Variants in SIPA1L3 observed in about 807,000 individuals in gnomAD.
SIPA1L3 encodes signal induced proliferation associated 1 like 3.
Under a neutral mutation model 150.1 loss-of-function variants are expected in SIPA1L3, and 59 were observed. That is an observed-to-expected ratio of 0.39 (90% CI 0.32 to 0.49). SIPA1L3 has a LOEUF of 0.49. Ranked by LOEUF, SIPA1L3 falls within the 20% of genes least tolerant of loss-of-function variation. The pLI is 0.86. For synonymous variants in SIPA1L3, 1,070 were observed against 1,077.6 expected (o/e 0.99, Z 0.14); for missense variants, 2,211 against 2,489.5 (o/e 0.89, Z 2.38).
intron 15 of SIPA1L3, among the ~76,000 whole-genome samples, chr19:38,181,845 C>T (rs1460716921): frequency 1.6e-5 from 1 of 62,952 alleles, no homozygotes; most frequent in Non-Finnish European, 3.0e-5. Context: ...GACTCTGTCT[C>T]AAAAAAAAAA....
At chr19:37,987,476 C>T (rs1031295274) in intron 1 of SIPA1L3, among the ~76,000 whole-genome samples, 3 of 152,174 alleles carry the variant, frequency 2.0e-5, no homozygotes, top group Non-Finnish European at 4.4e-5. Flanking sequence ...TCTTTGATGT[C>T]AGAATTGTCC....
intron 17 of SIPA1L3, 50 bp downstream of exon 17, chr19:38,192,360 C>A: frequency 6.6e-7 from 1 of 1,512,968 alleles, no homozygotes; most frequent in Admixed American, 2.1e-5. Flanking sequence ...CCAAGGGGAT[C>A]CCAGATCTGG....
At chr19:38,004,129 C>G (rs1967877997) in intron 1 of SIPA1L3, among the ~76,000 whole-genome samples, 1 of 152,210 alleles carries the variant, frequency 6.6e-6, no homozygotes, top group Non-Finnish European at 1.5e-5. Flanking sequence ...GCTAGACAGT[C>G]TTTAAATCAC....
chr19:37,989,792 A>C (rs528443341), intron 1 of SIPA1L3, among the ~76,000 whole-genome samples: 6 of 148,280 alleles, frequency 4.0e-5, no homozygotes, highest in African/African-American at 1.5e-4. Flanking sequence ...CAGCCTCCCC[A>C]GTAAGTAGCT....
chr19:38,030,883 A>G (rs1599928752), intron 2 of SIPA1L3, among the ~76,000 whole-genome samples: 2 of 152,132 alleles, frequency 1.3e-5, no homozygotes, highest in South Asian at 2.1e-4. Context: ...CCAAGAGACC[A>G]TAACGGTGTG....
At position 38,059,663 on chromosome 19, in the gene SIPA1L3, C is replaced by T. The variant is rs143457662; in HGVS notation, c.-310-21593C>T. ...CATACATACAGACAAGCATGTAAAA[C>T]GTGAATACACAGTTTACCGAAGAAT... is the stretch of plus-strand genomic sequence containing the variant. On this transcript the variant is annotated intron_variant, in intron 2 of 21. Coordinates refer to ENST00000222345, the MANE Select transcript of SIPA1L3 (RefSeq NM_015073.3). 3.1e-3 allele frequency among the ~76,000 whole-genome samples: 478 copies of T among 152,250 alleles called. 2 individuals are homozygous for T. Among genetic ancestry groups the T allele is most frequent in the African/African-American group, 0.011 (454 of 41,542 alleles).
intron 10 of SIPA1L3, among the ~76,000 whole-genome samples, chr19:38,140,557 GAGGACACTGGCGGCCTGGC>G (rs1225651016): frequency 6.6e-6 from 1 of 152,130 alleles, no homozygotes; most frequent in Non-Finnish European, 1.5e-5. Flanking sequence ...CAGGTCTGTC[GAGGACACTGGCGGCCTGGC>G]AGCCGTGTGG....
chr19:37,941,929 T>C (rs954929506), intron 1 of SIPA1L3, among the ~76,000 whole-genome samples: 1 of 152,236 alleles, frequency 6.6e-6, no homozygotes, highest in Non-Finnish European at 1.5e-5. Context: ...GTCTGGGTCA[T>C]AAATTCTTGA....
intron 2 of SIPA1L3, among the ~76,000 whole-genome samples, chr19:38,043,110 C>T (rs185606836): frequency 1.9e-3 from 283 of 152,230 alleles, no homozygotes; most frequent in Non-Finnish European, 3.2e-3. Flanking sequence ...GGGGCCGAGG[C>T]GGGCAGATCA....
chr19:37,948,994 G>A (rs1415439020), intron 1 of SIPA1L3, among the ~76,000 whole-genome samples: 1 of 152,170 alleles, frequency 6.6e-6, no homozygotes, highest in Non-Finnish European at 1.5e-5. Context: ...GGCAGGAGAT[G>A]GCATCAGAGA....
intron 1 of SIPA1L3, among the ~76,000 whole-genome samples, chr19:37,994,491 C>T (rs982514239): frequency 6.6e-6 from 1 of 152,108 alleles, no homozygotes; most frequent in African/African-American, 2.4e-5. Flanking sequence ...CCCCCTTTGC[C>T]TCTCTCCTCC....
At chr19:38,068,153 G>A (rs374968035) in intron 2 of SIPA1L3, among the ~76,000 whole-genome samples, 12 of 151,802 alleles carry the variant, frequency 7.9e-5, no homozygotes, top group African/African-American at 2.2e-4. Flanking sequence ...CTCCCGCGTA[G>A]CTGGGACTAC....
chr19:38,164,032 G>A lies in SIPA1L3; in HGVS notation c.3781-447G>A, dbSNP rs1474204133. On this transcript the variant is annotated intron_variant, in intron 14 of 21. Coordinates refer to ENST00000222345, the MANE Select transcript of SIPA1L3 (RefSeq NM_015073.3). This position sits in a 1 kb window ranked among gnomAD's most constrained non-coding sequence, Gnocchi z 4.1. Reference sequence around the variant, plus strand: ...CGTGGAGCAGGAAGTGACAGGTCCCGGATCTGTGTTGAGGACGCGGGCAGC... The same window carrying A: ...CGTGGAGCAGGAAGTGACAGGTCCCAGATCTGTGTTGAGGACGCGGGCAGC... Among the ~76,000 whole-genome samples the A allele has an allele frequency of 6.6e-6, 1 of 152,196 alleles. No individual in the cohort carries two copies. The highest frequency in any genetic ancestry group is 2.4e-5 in the African/African-American group (1 of 41,446).
chr19:38,187,315 G>C (rs545233667), intron 16 of SIPA1L3, among the ~76,000 whole-genome samples: 2 of 151,568 alleles, frequency 1.3e-5, no homozygotes, highest in African/African-American at 4.8e-5. Context: ...AGCCAGGTGT[G>C]GTGGCAGGCA....
chr19:37,975,194 A>G (rs550603561), intron 1 of SIPA1L3, among the ~76,000 whole-genome samples: 5 of 152,156 alleles, frequency 3.3e-5, no homozygotes, highest in Non-Finnish European at 7.3e-5. Flanking sequence ...CAGAGTCCCA[A>G]CTGCAGCTGT....
At chr19:38,118,021 C>T (rs1453413966) in intron 8 of SIPA1L3, among the ~76,000 whole-genome samples, 2 of 152,180 alleles carry the variant, frequency 1.3e-5, no homozygotes, top group African/African-American at 4.8e-5. Flanking sequence ...CTTCCTGTTA[C>T]AATGAACTTC....
chr19:38,195,827 C>G (rs1164090439), intron 18 of SIPA1L3, among the ~76,000 whole-genome samples: 1 of 144,406 alleles, frequency 6.9e-6, no homozygotes, highest in South Asian at 2.5e-4. Flanking sequence ...TCTCACCCCC[C>G]TCCGTCCCTA....
chr19:38,141,057 CAAAAAAAAAAAA>C (rs551813100), intron 10 of SIPA1L3, 115 bp from the exon 11 acceptor site: 38 of 396,416 alleles, frequency 9.6e-5, no homozygotes, highest in African/African-American at 7.1e-4. Context: ...GACTCTGTCT[CAAAAAAAAAAAA>C]AAAAAAAAAA....
intron 19 of SIPA1L3, among the ~76,000 whole-genome samples, chr19:38,199,682 C>T (rs114588901): frequency 0.018 from 2,720 of 152,112 alleles, 76 homozygotes; most frequent in African/African-American, 0.063. Flanking sequence ...CCCCGGGAGC[C>T]GGAAAGGGGC....
Sources: allele counts gnomAD v4.1 joint callset (sites outside exome capture counted in the v4.1 genomes callset), GRCh38; gene constraint gnomAD v4.1.1; non-coding constraint Gnocchi (gnomAD v3.1); transcripts MANE v1.5; gene names NCBI Gene and HGNC (gene_info 2026-07-23, HGNC 2026-07-21).